Variants in FAM3C observed in about 807,000 individuals in gnomAD.
FAM3C encodes the protein FAM3 metabolism regulating signaling molecule C, also known as protein FAM3C.
A neutral mutation model predicts 32.5 loss-of-function variants in FAM3C; 15 were observed. The observed-to-expected ratio is 0.46, with a 90% CI of 0.31 to 0.71. FAM3C has a LOEUF of 0.71. Among genes scored for constraint, FAM3C ranks in the 30% least tolerant of loss-of-function variants. FAM3C has a pLI of 0.05. For synonymous variants in FAM3C, 75 were observed against 86.1 expected, an observed-to-expected ratio of 0.87 and a Z score of 0.72; for missense variants, 175 against 274.4, an observed-to-expected ratio of 0.64 and a Z score of 2.56.
chr7:121,393,166 T>C (rs1031895549), intron 1 of FAM3C, among the ~76,000 whole-genome samples: 2 of 152,118 alleles, frequency 1.3e-5, no homozygotes, highest in Non-Finnish European at 2.9e-5. Flanking sequence ...CACTTTAAAA[T>C]GGAAAATCTG....
At chr7:121,395,693 A>G (rs1055025768) in intron 1 of FAM3C, among the ~76,000 whole-genome samples, 1 of 152,162 alleles carries the variant, frequency 6.6e-6, no homozygotes, top group Non-Finnish European at 1.5e-5. Context: ...AAGTACCTCT[A>G]GTATAGGCGA....
chr7:121,364,062 G>A (rs1429022279), intron 6 of FAM3C, 68 bp downstream of exon 6: 9 of 1,010,250 alleles, frequency 8.9e-6, no homozygotes, highest in African/African-American at 3.2e-5. Context: ...TCCTCTGATA[G>A]TGCATTTTAC....
At chr7:121,387,527 A>C (rs1794489308) in intron 1 of FAM3C, among the ~76,000 whole-genome samples, 1 of 152,154 alleles carries the variant, frequency 6.6e-6, no homozygotes, top group South Asian at 2.1e-4. Context: ...AGAAAGAAGC[A>C]TAATTCCATG....
At chr7:121,378,793 T>C in intron 3 of FAM3C, 117 bp downstream of exon 3, 1 of 480,696 alleles carries the variant, frequency 2.1e-6, no homozygotes, top group Non-Finnish European at 3.7e-6. Context: ...ATCATATTTA[T>C]GGATATATAA....
intron 7 of FAM3C, among the ~76,000 whole-genome samples, chr7:121,361,547 T>C (rs531837368): frequency 6.6e-6 from 1 of 152,266 alleles, no homozygotes; most frequent in East Asian, 1.9e-4. Context: ...AGACTCTTTC[T>C]ATCAATAAAT....
intron 1 of FAM3C, among the ~76,000 whole-genome samples, chr7:121,394,474 C>T (rs542703161): frequency 6.6e-6 from 1 of 152,290 alleles, no homozygotes; most frequent in South Asian, 2.1e-4. Context: ...CCTTTTGAAA[C>T]AGAAGCCCCT....
intron 3 of FAM3C, among the ~76,000 whole-genome samples, chr7:121,376,145 G>C (rs1433293383): frequency 6.6e-6 from 1 of 152,164 alleles, no homozygotes; most frequent in Non-Finnish European, 1.5e-5. Flanking sequence ...GAAGTACACA[G>C]ACCAGAACAA....
intron 3 of FAM3C, 128 bp downstream of exon 3, chr7:121,378,782 A>G: frequency 2.2e-6 from 1 of 462,612 alleles, no homozygotes; most frequent in Non-Finnish European, 3.9e-6. Context: ...TATTCTAACA[A>G]ATCATATTTA....
chr7:121,389,167 G>C (rs1008437924), intron 1 of FAM3C, among the ~76,000 whole-genome samples: 1 of 152,048 alleles, frequency 6.6e-6, no homozygotes, highest in Non-Finnish European at 1.5e-5. Context: ...AGCCAAGCCT[G>C]ACAGGCCATA....
chr7:121,372,438 C>T (rs990110766), intron 3 of FAM3C, among the ~76,000 whole-genome samples: 15 of 152,102 alleles, frequency 9.9e-5, no homozygotes, highest in Non-Finnish European at 7.4e-5. Context: ...AGTTACTCTA[C>T]AAACTTACCT....
intron 1 of FAM3C, among the ~76,000 whole-genome samples, chr7:121,393,652 T>G (rs1345936738): frequency 6.6e-6 from 1 of 152,118 alleles, no homozygotes; most frequent in African/African-American, 2.4e-5. Flanking sequence ...TGGAAAGACT[T>G]AGGGGTATTA....
At chr7:121,361,454 C>T (rs1442911064) in intron 7 of FAM3C, among the ~76,000 whole-genome samples, 2 of 152,190 alleles carry the variant, frequency 1.3e-5, no homozygotes, top group Admixed American at 6.5e-5. Flanking sequence ...ATGCTGCTAG[C>T]GGTAATTAAT....
intron 2 of FAM3C, among the ~76,000 whole-genome samples, chr7:121,379,338 G>T (rs1386998429): frequency 6.6e-6 from 1 of 151,988 alleles, no homozygotes; most frequent in Non-Finnish European, 1.5e-5. Flanking sequence ...CACCAAGTTT[G>T]TTGAATGGCA....
At chr7:121,355,946 T>C (rs2116873776) in intron 8 of FAM3C, among the ~76,000 whole-genome samples, 1 of 151,900 alleles carries the variant, frequency 6.6e-6, no homozygotes, top group South Asian at 2.1e-4. Context: ...CAAAATTAAA[T>C]TTAACAAGGA....
chr7:121,361,306 C>T (rs1793915550), intron 7 of FAM3C, among the ~76,000 whole-genome samples: 1 of 152,128 alleles, frequency 6.6e-6, no homozygotes, highest in Admixed American at 6.5e-5. Flanking sequence ...AGCAAAGATG[C>T]CAAAGATTTT....
At position 121,362,775 on chromosome 7, in the gene FAM3C, G is replaced by C. The variant is rs572035970; in HGVS notation, c.382+122C>G. On this transcript the variant is annotated intron_variant, in intron 7 of 9. Transcript: ENST00000359943. ...CAGCTGGACATTTAGTGAACAGAAA[G>C]TAAGGGAAACAAAATGAACTAACGC... The C allele has an allele frequency of 1.7e-5, 11 of 664,900 alleles. No homozygotes were observed. In the African/African-American group the frequency reaches 2.1e-4, roughly 13 times the overall value. The allele number at this position is 664,900 out of a possible 1,614,324, so 41.2% of individuals were successfully genotyped here. A position where few individuals can be genotyped will look rare whatever the true frequency, so the allele number is the denominator to read the frequency against.
intron 8 of FAM3C, among the ~76,000 whole-genome samples, chr7:121,359,552 C>T (rs997906548): frequency 1.3e-5 from 2 of 152,022 alleles, no homozygotes; most frequent in Admixed American, 1.3e-4. Flanking sequence ...TCTCTTTGCG[C>T]TTTTCTATAA....
intron 1 of FAM3C, among the ~76,000 whole-genome samples, chr7:121,383,538 C>T (rs1444814163): frequency 6.6e-6 from 1 of 152,108 alleles, no homozygotes; most frequent in Admixed American, 6.6e-5. Context: ...TACCAGGGAC[C>T]TCTTCATGTT....
At chr7:121,381,053 T>C (rs2116943268) in intron 2 of FAM3C, among the ~76,000 whole-genome samples, 1 of 152,268 alleles carries the variant, frequency 6.6e-6, no homozygotes, top group East Asian at 1.9e-4. Flanking sequence ...GTTAGAGTTC[T>C]GGAACTTCTG....
Sources: allele counts gnomAD v4.1 joint callset (sites outside exome capture counted in the v4.1 genomes callset), GRCh38; gene constraint gnomAD v4.1.1; transcripts MANE v1.5; gene names NCBI Gene and HGNC (gene_info 2026-07-23, HGNC 2026-07-21).